TSPAN18: variants seen among roughly 807,000 people sequenced by gnomAD.
The protein encoded by TSPAN18 is tetraspanin-18.
Under a neutral mutation model 27.3 loss-of-function variants are expected in TSPAN18, and 14 were observed. That is an observed-to-expected ratio of 0.51 (90% CI 0.34 to 0.80). TSPAN18 has a LOEUF of 0.80. Among genes scored for constraint, TSPAN18 ranks in the 30% least tolerant of loss-of-function variants. The probability of loss-of-function intolerance (pLI) is 0.01; values close to 1 mark genes in which losing one functional copy is unlikely to be tolerated. For synonymous variants in TSPAN18, 143 were observed against 136.5 expected (o/e 1.05, Z -0.33); for missense variants, 268 against 323.9 (o/e 0.83, Z 1.32).
Position 44,892,747 on chromosome 11 carries a change from C to T in TSPAN18, c.-10-13660C>T, listed in dbSNP as rs542075024. On this transcript the variant is annotated intron_variant, in intron 3 of 9. Coordinates refer to ENST00000520358, the MANE Select transcript of TSPAN18 (RefSeq NM_130783.5). ...TGGGGGCTCAGAGTCCTCTGGAAGA[C>T]AGCCAGGGCAGAAGAGCCAGGAACC... Among the ~76,000 whole-genome samples the T allele has an allele frequency of 2.0e-5, 3 of 152,340 alleles. No individual in the cohort carries two copies. In the East Asian group the frequency reaches 5.8e-4, roughly 29 times the overall value.
chr11:44,812,498 T>C (rs981608931), intron 2 of TSPAN18, among the ~76,000 whole-genome samples: 2 of 152,176 alleles, frequency 1.3e-5, no homozygotes, highest in Non-Finnish European at 2.9e-5. Flanking sequence ...CCAGTGGGGA[T>C]GACGCATAAA....
At chr11:44,759,344 G>A (rs529424158) in intron 1 of TSPAN18, among the ~76,000 whole-genome samples, 1 of 152,316 alleles carries the variant, frequency 6.6e-6, no homozygotes, top group Non-Finnish European at 1.5e-5. Flanking sequence ...GAGCTAGGGG[G>A]TGATGGTGTT....
intron 3 of TSPAN18, among the ~76,000 whole-genome samples, chr11:44,861,675 A>G (rs975160582): frequency 1.3e-5 from 2 of 151,792 alleles, no homozygotes; most frequent in Admixed American, 6.6e-5. Flanking sequence ...GGGGCGATGA[A>G]GCACCCAGGT....
At position 44,919,246 on chromosome 11, in the gene TSPAN18, C is replaced by T; in HGVS notation, c.366C>T (p.Thr122=). 1 of 1,614,122 alleles carries T rather than the reference C, an allele frequency of 6.2e-7. No homozygotes were observed. Among genetic ancestry groups the T allele is most frequent in the South Asian group, 1.1e-5 (1 of 91,066 alleles). ...GAGAATTCTTCACCAAGGAGCTCAC[C>T]AAGCACTACCAGGGCAATAACGACA... ...LTREFFTKEL[T]KHYQGNNDTD... is the part of the protein sequence containing the mutation. The change falls in exon 7 of 10, where the codon ACC becomes ACT. Residue 122 remains threonine (T), a synonymous_variant. Coordinates refer to ENST00000520358, the MANE Select transcript of TSPAN18 (RefSeq NM_130783.5).
rs138813909 is a variant in TSPAN18 at position 44,803,966 on chromosome 11, A to G, written c.-153+39454A>G. Among the ~76,000 whole-genome samples the G allele has an allele frequency of 3.9e-5, 6 of 152,324 alleles. No homozygotes were observed. The East Asian group carries it at 7.7e-4, about 20-fold the overall frequency. ...TTGGATGGAAGTTTGACTAGCATTTATTACACCTGAAAAATAAGAATGAAA... is the reference window on the plus strand; with the variant it reads ...TTGGATGGAAGTTTGACTAGCATTTGTTACACCTGAAAAATAAGAATGAAA... On this transcript the variant is annotated intron_variant, in intron 2 of 9. Coordinates refer to ENST00000520358, the MANE Select transcript of TSPAN18 (RefSeq NM_130783.5).
intron 3 of TSPAN18, among the ~76,000 whole-genome samples, chr11:44,885,223 C>T (rs1223509306): frequency 6.6e-6 from 1 of 152,208 alleles, no homozygotes; most frequent in Non-Finnish European, 1.5e-5. Context: ...CTAAGCCCTT[C>T]TCCGGTATTT....
intron 2 of TSPAN18, among the ~76,000 whole-genome samples, chr11:44,778,724 G>A (rs1474114550): frequency 6.6e-6 from 1 of 152,162 alleles, no homozygotes; most frequent in Non-Finnish European, 1.5e-5. Flanking sequence ...GTGCCAGGTG[G>A]GGCCCTGGGA....
chr11:44,931,226 C>T lies in TSPAN18; in HGVS notation c.*2048C>T, dbSNP rs927687392. Reference sequence around the variant, plus strand: ...CCAGGGGGACCTGCCACTGGTACCGCGGCCCAGCCTGGGGCCTGGGGGCTG... The same window carrying T: ...CCAGGGGGACCTGCCACTGGTACCGTGGCCCAGCCTGGGGCCTGGGGGCTG... On this transcript the variant is annotated 3_prime_UTR_variant, in exon 10 of 10. Coordinates refer to ENST00000520358, the MANE Select transcript of TSPAN18 (RefSeq NM_130783.5). 24 of 303,730 alleles carry T rather than the reference C, an allele frequency of 7.9e-5. No homozygotes were observed. Among genetic ancestry groups the T allele is most frequent in the African/African-American group, 3.5e-4 (16 of 45,630 alleles). 18.8% of individuals were successfully genotyped at this position (303,730 alleles called of 1,614,324 possible). A position where few individuals can be genotyped will look rare whatever the true frequency, so the allele number is the denominator to read the frequency against.
At chr11:44,747,217 T>C (rs1156536891) in intron 1 of TSPAN18, among the ~76,000 whole-genome samples, 1 of 152,250 alleles carries the variant, frequency 6.6e-6, no homozygotes, top group Non-Finnish European at 1.5e-5. Context: ...CTGGCATCTT[T>C]TCTCCATCCT....
chr11:44,788,539 C>G (rs1397092162), intron 2 of TSPAN18, among the ~76,000 whole-genome samples: 1 of 148,278 alleles, frequency 6.7e-6, no homozygotes, highest in Non-Finnish European at 1.5e-5. Flanking sequence ...CTCACTGCAA[C>G]CTCTGACTCC....
intron 5 of TSPAN18, among the ~76,000 whole-genome samples, chr11:44,917,339 G>C (rs962761894): frequency 6.6e-6 from 1 of 152,242 alleles, no homozygotes; most frequent in Non-Finnish European, 1.5e-5. Flanking sequence ...GAGGCACTGT[G>C]GTTCATTCAG....
chr11:44,754,894 G>T, intron 1 of TSPAN18, among the ~76,000 whole-genome samples: 1 of 152,188 alleles, frequency 6.6e-6, no homozygotes, highest in East Asian at 1.9e-4. Context: ...ATGGCAAGAG[G>T]TTTTGGGCTG....
At chr11:44,923,948 T>C (rs907753265) in intron 8 of TSPAN18, among the ~76,000 whole-genome samples, 1 of 152,184 alleles carries the variant, frequency 6.6e-6, no homozygotes. Context: ...GAAGATGAGC[T>C]GTCAAGGCCC....
intron 2 of TSPAN18, among the ~76,000 whole-genome samples, chr11:44,817,392 C>T (rs1394736326): frequency 6.6e-6 from 1 of 152,242 alleles, no homozygotes; most frequent in Non-Finnish European, 1.5e-5. Context: ...GCTGGCCTGG[C>T]CCTAGGCTTT....
intron 3 of TSPAN18, among the ~76,000 whole-genome samples, chr11:44,875,960 G>A (rs1858319800): frequency 6.6e-6 from 1 of 152,208 alleles, no homozygotes; most frequent in Admixed American, 6.5e-5. Context: ...TGGCAAAGCT[G>A]AGATTCAGAC....
rs1860570186 is a variant in TSPAN18 at position 44,931,756 on chromosome 11, C to G, written c.*2578C>G. On this transcript the variant is annotated 3_prime_UTR_variant, in exon 10 of 10. Transcript: ENST00000520358. ...CCTCCCTCCAGAGCACAGGGAGAAACAGGGTTTAGCTGGCTTGGTCCAGAT... is the reference window on the plus strand; with the variant it reads ...CCTCCCTCCAGAGCACAGGGAGAAAGAGGGTTTAGCTGGCTTGGTCCAGAT... The G allele has an allele frequency of 6.6e-6, 1 of 151,778 alleles. No individual in the cohort carries two copies. The highest frequency in any genetic ancestry group is 2.4e-5 in the African/African-American group (1 of 41,326). The allele number at this position is 151,778 out of a possible 1,614,324, so 9.4% of individuals were successfully genotyped here. A position where few individuals can be genotyped will look rare whatever the true frequency, so the allele number is the denominator to read the frequency against.
intron 2 of TSPAN18, among the ~76,000 whole-genome samples, chr11:44,796,070 A>G (rs998365991): frequency 6.6e-6 from 1 of 152,050 alleles, no homozygotes; most frequent in African/African-American, 2.4e-5. Flanking sequence ...TCATGACTGC[A>G]TCTCACTCAT....
rs781578996 is a variant in TSPAN18, at chr11:44,818,719, TACTG to T, written c.-152-41606_-152-41603del. On this transcript the variant is annotated intron_variant, in intron 2 of 9. Transcript: ENST00000520358. Reference sequence around the variant, plus strand: ...AGGGAGGAAGAAGTGAACAGTTATGTACTGACCGCTCATGTGCCAGGCCCTACAT... The same window carrying T: ...AGGGAGGAAGAAGTGAACAGTTATGTACCGCTCATGTGCCAGGCCCTACAT... 1.3e-4 allele frequency among the ~76,000 whole-genome samples: 20 copies of T among 152,306 alleles called. No individual in the cohort carries two copies. The East Asian group carries it at 1.4e-3, about 10-fold the overall frequency.
rs889732068 is a variant in TSPAN18 at position 44,926,450 on chromosome 11, A to G, written c.616-224A>G. On this transcript the variant is annotated intron_variant, in intron 8 of 9. Transcript: ENST00000520358. ...CTGCACGCTGTCAGTTCTCTGTCCC[A>G]CCTTAGGGGCCGGGTGGCAAAGAGG... The G allele has an allele frequency of 1.8e-5, 10 of 559,308 alleles. No homozygotes were observed. The East Asian group carries it at 2.7e-4, about 15-fold the overall frequency. 34.6% of individuals were successfully genotyped at this position (559,308 alleles called of 1,614,324 possible).
Sources: allele counts gnomAD v4.1 joint callset (sites outside exome capture counted in the v4.1 genomes callset), GRCh38; gene constraint gnomAD v4.1.1; transcripts MANE v1.5; gene names NCBI Gene and HGNC (gene_info 2026-07-23, HGNC 2026-07-21).